Variants in VSIG1 observed in about 807,000 individuals in gnomAD.
VSIG1 encodes the protein V-set and immunoglobulin domain-containing protein 1.
In VSIG1, 11 loss-of-function variants were observed where a neutral mutation model predicts 20.1. The observed-to-expected ratio is 0.55, with a 90% CI of 0.34 to 0.91. VSIG1 has a LOEUF of 0.91. Ranked by LOEUF, VSIG1 falls within the 40% of genes least tolerant of loss-of-function variation. The pLI is 0.02. For synonymous variants in VSIG1, 126 were observed against 116.7 expected (o/e 1.08, Z -0.52); for missense variants, 283 against 298.8 (o/e 0.95, Z 0.39).
At position 108,073,279 on chromosome X, in the gene VSIG1, A is replaced by C; in HGVS notation, c.598A>C (p.Asn200His). The C allele has an allele frequency of 8.3e-7, 1 of 1,211,444 alleles. No homozygotes were observed. The highest frequency in any genetic ancestry group is 1.7e-5 in the African/African-American group (1 of 57,783). ...NPTTGILVIG[N>H]LTNFEQGYYQ... is the part of the protein sequence containing the mutation. ...AACCACCGGGATTTTGGTCATTGGAAATCTGACAAATTTTGAACAAGGTTA... is the reference window on the plus strand; with the variant it reads ...AACCACCGGGATTTTGGTCATTGGACATCTGACAAATTTTGAACAAGGTTA... The change falls in exon 5 of 7, where the codon AAT becomes CAT. Residue 200 changes from asparagine (N) to histidine (H), a missense_variant. Transcript: ENST00000217957.
intron 1 of VSIG1, among the ~76,000 whole-genome samples, chrX:108,047,889 C>CATATATAT: frequency 3.4e-5 from 1 of 29,641 alleles, no homozygotes; most frequent in East Asian, 8.3e-4. Flanking sequence ...TATATATACA[C>CATATATAT]ACATATATAT....
rs781115559 is a variant in VSIG1, at chrX:108,076,706, A to G, written c.831-342A>G. ...TACAACTATCTATTGGGTATCAACC[A>G]GGTGCCAAGTATTGTACTAGATGGA... On this transcript the variant is annotated intron_variant, in intron 6 of 6. Coordinates refer to ENST00000217957, the MANE Select transcript of VSIG1 (RefSeq NM_182607.5). Among the ~76,000 whole-genome samples, 3 of 111,397 alleles carry G rather than the reference A, an allele frequency of 2.7e-5. No individual in the cohort carries two copies. In the Admixed American group the frequency reaches 2.9e-4, roughly 11 times the overall value.
intron 1 of VSIG1, among the ~76,000 whole-genome samples, chrX:108,047,961 CATATAT>C (rs1172282311): frequency 0.017 from 345 of 19,928 alleles, 21 homozygotes; most frequent in African/African-American, 0.026. Context: ...TATACACACA[CATATAT>C]ATATATATAT....
Position 108,058,168 on chromosome X carries a change from T to C in VSIG1, c.180T>C (p.Ser60=). The C allele has an allele frequency of 8.3e-7, 1 of 1,210,036 alleles. No homozygotes were observed. The highest frequency in any genetic ancestry group is 1.1e-6 in the Non-Finnish European group (1 of 894,781). ...GAGAACAGCTTTCCATCCAGTGGTC[T>C]TTCTTCCATAAGAAGGAGATGGAGC... is the stretch of plus-strand genomic sequence containing the variant. ...ASREQLSIQW[S]FFHKKEMEPI... is the part of the protein sequence containing the mutation. The change falls in exon 2 of 7, where the codon TCT becomes TCC. Residue 60 remains serine (S), a synonymous_variant. Coordinates refer to ENST00000217957, the MANE Select transcript of VSIG1 (RefSeq NM_182607.5).
the VSIG1 span, among the ~76,000 whole-genome samples, chrX:108,039,286 G>T: frequency 1.8e-5 from 2 of 111,991 alleles, no homozygotes; most frequent in Non-Finnish European, 3.8e-5. Flanking sequence ...GGATTCAAGC[G>T]ATTCTCCTGT....
chrX:108,060,662 C>T (rs948685049), intron 2 of VSIG1, among the ~76,000 whole-genome samples: 8 of 111,644 alleles, frequency 7.2e-5, no homozygotes, highest in African/African-American at 2.6e-4. Flanking sequence ...TCTTGCTCTG[C>T]CACTTATTTA....
chrX:108,041,422 G>C (rs1374204368), upstream of VSIG1, among the ~76,000 whole-genome samples: 2 of 111,691 alleles, frequency 1.8e-5, no homozygotes, highest in Admixed American at 1.9e-4. Flanking sequence ...CCTTAACATG[G>C]ACAAGGTTGA....
chrX:108,060,602 A>G (rs893142043), intron 2 of VSIG1, among the ~76,000 whole-genome samples: 3 of 111,611 alleles, frequency 2.7e-5, no homozygotes, highest in African/African-American at 9.8e-5. Flanking sequence ...GCTTTACCAG[A>G]TGAGTAGTTT....
chrX:108,058,993 C>A (rs1279825887), intron 2 of VSIG1, among the ~76,000 whole-genome samples: 1 of 111,178 alleles, frequency 9.0e-6, no homozygotes, highest in East Asian at 2.8e-4. Flanking sequence ...TGTGTTCATG[C>A]ACATGTTTAT....
At chrX:108,044,720 A>G (rs1284773411), upstream of VSIG1, among the ~76,000 whole-genome samples, 1 of 111,419 alleles carries the variant, frequency 9.0e-6, no homozygotes, top group Non-Finnish European at 1.9e-5. Flanking sequence ...ATTCTGTAAG[A>G]CTCATGGAAA....
chrX:108,061,675 G>A, intron 2 of VSIG1: 1 of 499,290 alleles, frequency 2.0e-6, no homozygotes, highest in Non-Finnish European at 3.5e-6. Context: ...ACAAAACTGG[G>A]ACAGTCTTGA....
At chrX:108,047,953 T>TATATATATATACAC (rs2030672154) in intron 1 of VSIG1, among the ~76,000 whole-genome samples, 1 of 15,002 alleles carries the variant, frequency 6.7e-5, no homozygotes, top group African/African-American at 4.2e-4. Context: ...TATATATATA[T>TATATATATATACAC]ACACACACAT....
chrX:108,059,421 A>T (rs180972890), intron 2 of VSIG1, among the ~76,000 whole-genome samples: 12 of 111,665 alleles, frequency 1.1e-4, no homozygotes, highest in African/African-American at 3.6e-4. Flanking sequence ...AAGTTAAACA[A>T]TTTTGCTCAA....
chrX:108,069,076 G>A (rs1384565410), intron 3 of VSIG1, among the ~76,000 whole-genome samples: 1 of 111,821 alleles, frequency 8.9e-6, no homozygotes, highest in Non-Finnish European at 1.9e-5. Context: ...GTTCTGACCA[G>A]AAACAATCTA....
intron 6 of VSIG1, 58 bp from the exon 7 acceptor site, chrX:108,076,990 G>T: frequency 9.1e-7 from 1 of 1,093,331 alleles, no homozygotes; most frequent in Non-Finnish European, 1.2e-6. Context: ...GGTTTCACAT[G>T]AAATTTCAAA....
chrX:108,046,004 G>A (rs767632051), intron 1 of VSIG1, among the ~76,000 whole-genome samples: 112 of 111,270 alleles, frequency 1.0e-3, no homozygotes, highest in Admixed American at 3.6e-3. Flanking sequence ...AAAATATTAA[G>A]TGAAAAAGCA....
the VSIG1 span, among the ~76,000 whole-genome samples, chrX:108,025,899 C>T: frequency 3.6e-5 from 4 of 111,916 alleles, no homozygotes; most frequent in Non-Finnish European, 7.5e-5. Context: ...CAAATCCTTG[C>T]GATAAAGGAA....
chrX:108,056,471 A>T (rs1448902523), intron 1 of VSIG1, among the ~76,000 whole-genome samples: 2 of 112,047 alleles, frequency 1.8e-5, no homozygotes, highest in Non-Finnish European at 3.8e-5. Flanking sequence ...GAAATGAAGA[A>T]ATAAAACTCT....
intron 2 of VSIG1, among the ~76,000 whole-genome samples, chrX:108,066,695 G>T (rs747452191): frequency 8.9e-6 from 1 of 111,798 alleles, no homozygotes; most frequent in Non-Finnish European, 1.9e-5. Context: ...TCCTCTGTAA[G>T]ATAGGCATAC....
Sources: gnomAD v4.1 joint callset for allele counts (sites outside exome capture counted in the v4.1 genomes callset) on GRCh38, gnomAD v4.1.1 for gene constraint, MANE v1.5 for transcripts, NCBI Gene and HGNC (gene_info 2026-07-23, HGNC 2026-07-21) for gene names.